Variants in TBPL2 observed in about 807,000 individuals in gnomAD.
TBPL2 encodes TATA-box binding protein like 2.
Under a neutral mutation model 38.2 loss-of-function variants are expected in TBPL2, and 40 were observed. That is an observed-to-expected ratio of 1.05 (90% CI 0.81 to 1.36). TBPL2 has a LOEUF of 1.36. Ranked by LOEUF, TBPL2 falls within the 40% of genes most tolerant of loss-of-function variation. TBPL2 has a pLI of 0.00. For missense variants in TBPL2, 461 were observed against 456.7 expected (o/e 1.01, Z -0.09); for synonymous variants, 169 against 171.7 (o/e 0.98, Z 0.12).
chr14:55,440,584 C>A, exon 1 of TBPL2: 1 of 1,549,920 alleles, frequency 6.5e-7, no homozygotes, highest in Non-Finnish European at 8.7e-7. Flanking sequence ...CGGCCCTCGG[C>A]CCAGGTTCCT....
rs1430240591 is a variant in TBPL2, at chr14:55,439,788, G to A, written c.150+608C>T. On this transcript the variant is annotated intron_variant, in intron 1 of 6. Coordinates refer to ENST00000247219, the Ensembl canonical transcript of TBPL2. ...TACTAAAAATACAAAAAAATTAGCC[G>A]GGCGTAGTGGCGGGCTCCTGTAGTC... Among the ~76,000 whole-genome samples the A allele has an allele frequency of 3.3e-5, 5 of 151,706 alleles. No homozygotes were observed. In the East Asian group the frequency reaches 7.7e-4, roughly 23 times the overall value.
At chr14:55,421,675 C>T (rs912543537) in intron 6 of TBPL2, among the ~76,000 whole-genome samples, 1 of 152,154 alleles carries the variant, frequency 6.6e-6, no homozygotes, top group African/African-American at 2.4e-5. Flanking sequence ...GTTGGCAAGG[C>T]TGGTCTTGAA....
rs115806917 is a variant in TBPL2, at chr14:55,421,457, C to T, written c.1051+2702G>A. Among the ~76,000 whole-genome samples, 801 of 152,186 alleles carry T rather than the reference C, an allele frequency of 5.3e-3. 10 individuals are homozygous for T. Among genetic ancestry groups the T allele is most frequent in the African/African-American group, 0.018 (740 of 41,534 alleles). On this transcript the variant is annotated intron_variant, in intron 6 of 6. Transcript: ENST00000247219. ...TTCTTGGATTCCAAACAAGCTTTCC[C>T]CACTTTGTTTTTAATTTTTTAATTA...
rs1394597680 is a variant in TBPL2 at position 55,414,803 on chromosome 14, CT to C, written c.1052-349del. ...ACTTAGCTACCAGCAAAAGGGACTTCTTTTGATCCACGTCCTCTCTAGTTAA... is the reference window on the plus strand; with the variant it reads ...ACTTAGCTACCAGCAAAAGGGACTTCTTTGATCCACGTCCTCTCTAGTTAA... On this transcript the variant is annotated intron_variant, in intron 6 of 6. Coordinates refer to ENST00000247219, the Ensembl canonical transcript of TBPL2. Among the ~76,000 whole-genome samples, 3 of 152,176 alleles carry C rather than the reference CT, an allele frequency of 2.0e-5. No homozygotes were observed. In the South Asian group the frequency reaches 6.2e-4, roughly 32 times the overall value.
At chr14:55,426,018 AG>A in intron 5 of TBPL2, among the ~76,000 whole-genome samples, 1 of 152,326 alleles carries the variant, frequency 6.6e-6, no homozygotes, top group African/African-American at 2.4e-5. Context: ...CTGTAATCCT[AG>A]TACTTGGGAA....
chr14:55,438,126 G>T (rs1403458656), intron 1 of TBPL2, among the ~76,000 whole-genome samples: 2 of 152,164 alleles, frequency 1.3e-5, no homozygotes, highest in Admixed American at 1.3e-4. Context: ...AGCACTGCTT[G>T]CAGGAGAAAC....
intron 6 of TBPL2, among the ~76,000 whole-genome samples, chr14:55,421,860 T>C (rs4901561): frequency 0.74 from 112,059 of 152,176 alleles, 41,778 homozygotes; most frequent in African/African-American, 0.85. Flanking sequence ...ACATGTCATT[T>C]TGCTGGATGC....
At chr14:55,427,229 A>G (rs1885839785) in intron 5 of TBPL2, among the ~76,000 whole-genome samples, 1 of 149,304 alleles carries the variant, frequency 6.7e-6, no homozygotes, top group Non-Finnish European at 1.5e-5. Context: ...AGGACTTTAT[A>G]GGGAGCTCAG....
intron 6 of TBPL2, among the ~76,000 whole-genome samples, chr14:55,420,232 G>A (rs1176814406): frequency 4.6e-5 from 7 of 152,170 alleles, no homozygotes; most frequent in Non-Finnish European, 7.3e-5. Flanking sequence ...CACAATGCCC[G>A]GCTAATTTTT....
At chr14:55,434,778 T>C (rs1885987351) in intron 3 of TBPL2, among the ~76,000 whole-genome samples, 1 of 152,196 alleles carries the variant, frequency 6.6e-6, no homozygotes, top group South Asian at 2.1e-4. Flanking sequence ...TCAGCAACAA[T>C]ACTAGGGCAA....
chr14:55,436,329 C>A (rs1413111669), intron 2 of TBPL2, among the ~76,000 whole-genome samples: 2 of 152,154 alleles, frequency 1.3e-5, no homozygotes, highest in African/African-American at 4.8e-5. Flanking sequence ...TTCAAGAATG[C>A]ATCTATTAAT....
At chr14:55,416,797 C>T (rs1328615279) in intron 6 of TBPL2, among the ~76,000 whole-genome samples, 2 of 152,218 alleles carry the variant, frequency 1.3e-5, no homozygotes, top group African/African-American at 4.8e-5. Context: ...ACAGCAAACA[C>T]ACACATGCCC....
intron 1 of TBPL2, among the ~76,000 whole-genome samples, chr14:55,439,749 T>A (rs61976570): frequency 0.52 from 78,212 of 150,558 alleles, 20,456 homozygotes; most frequent in East Asian, 0.64. Context: ...GCTAACACGG[T>A]GAAACACTGT....
intron 6 of TBPL2, among the ~76,000 whole-genome samples, chr14:55,418,733 C>T (rs1017721237): frequency 3.3e-5 from 5 of 152,102 alleles, no homozygotes; most frequent in African/African-American, 4.8e-5. Flanking sequence ...AATAAATAAG[C>T]GTTTTCCTGA....
chr14:55,422,753 C>T (rs957706005), intron 6 of TBPL2, among the ~76,000 whole-genome samples: 9 of 151,854 alleles, frequency 5.9e-5, no homozygotes, highest in Non-Finnish European at 8.8e-5. Context: ...CTCAGGAGGC[C>T]GAGGCAGGAG....
In TBPL2 at chr14:55,436,003, T is replaced by C. The variant is rs778200777; in HGVS notation, c.609-69A>G. 210 of 996,100 alleles carry C rather than the reference T, an allele frequency of 2.1e-4. 2 individuals are homozygous for C. Among genetic ancestry groups the C allele is most frequent in the Non-Finnish European group, 3.0e-4 (205 of 678,914 alleles). The allele number at this position is 996,100 out of a possible 1,614,324, so 61.7% of individuals were successfully genotyped here. A position where few individuals can be genotyped will look rare whatever the true frequency, so the allele number is the denominator to read the frequency against. On this transcript the variant is annotated intron_variant, in intron 2 of 6. Transcript: ENST00000247219. ...AGTAAAAAAAAAAAAAGACAACTTATTTTCTCATTTCTTAGGTTATACCTT... is the reference window on the plus strand; with the variant it reads ...AGTAAAAAAAAAAAAAGACAACTTACTTTCTCATTTCTTAGGTTATACCTT...
intron 6 of TBPL2, among the ~76,000 whole-genome samples, chr14:55,418,676 C>T (rs893024185): frequency 8.5e-5 from 13 of 152,180 alleles, no homozygotes; most frequent in African/African-American, 2.9e-4. Flanking sequence ...GGGTGACCCT[C>T]AGCAACAATG....
chr14:55,432,245 CA>C (rs71131268), intron 4 of TBPL2, among the ~76,000 whole-genome samples: 29,609 of 121,886 alleles, frequency 0.24, 5,564 homozygotes, highest in African/African-American at 0.58. Context: ...CCCGTCTCTA[CA>C]AAAAAAAAAA....
chr14:55,420,118 T>C (rs1475376495), intron 6 of TBPL2, among the ~76,000 whole-genome samples: 1 of 152,234 alleles, frequency 6.6e-6, no homozygotes, highest in Non-Finnish European at 1.5e-5. Flanking sequence ...TTACCCAGGC[T>C]AGAGTGCAGT....
Sources: gnomAD v4.1 joint callset for allele counts (sites outside exome capture counted in the v4.1 genomes callset) on GRCh38, gnomAD v4.1.1 for gene constraint, MANE v1.5 for transcripts, NCBI Gene and HGNC (gene_info 2026-07-23, HGNC 2026-07-21) for gene names.